Variants in NPAS3 observed in about 807,000 individuals in gnomAD.
NPAS3 encodes the protein neuronal PAS domain-containing protein 3.
In NPAS3, 14 loss-of-function variants were observed where a neutral mutation model predicts 73.1. The observed-to-expected ratio is 0.19, with a 90% CI of 0.13 to 0.30. The LOEUF (loss-of-function observed/expected upper bound fraction) is 0.30. NPAS3 is among the 10% of genes least tolerant of loss of function. The pLI is 1.00. For synonymous variants in NPAS3, 620 were observed against 541.5 expected (o/e 1.14, Z -2.01); for missense variants, 1,096 against 1,250.0 (o/e 0.88, Z 1.86).
At chr14:33,642,700 G>C (rs796725565) in intron 5 of NPAS3, among the ~76,000 whole-genome samples, 28 of 152,280 alleles carry the variant, frequency 1.8e-4, no homozygotes, top group African/African-American at 6.7e-4. Context: ...GGATACCAGT[G>C]TGCACCTATT....
chr14:33,418,678 A>AG (rs201231488), intron 4 of NPAS3, among the ~76,000 whole-genome samples: 2 of 151,322 alleles, frequency 1.3e-5, no homozygotes, highest in Non-Finnish European at 2.9e-5. Context: ...TTATTTTTAA[A>AG]GGGTTGTAGA....
chr14:33,287,336 C>T lies in NPAS3; in HGVS notation c.385+71910C>T, dbSNP rs148592788. Among the ~76,000 whole-genome samples the T allele has an allele frequency of 5.3e-3, 813 of 152,192 alleles. 3 individuals are homozygous for T. Among genetic ancestry groups the T allele is most frequent in the Middle Eastern group, 0.027 (8 of 292 alleles). Reference sequence around the variant, plus strand: ...AGCAGCTGCAAACGGCTCTGGAATTCCCACGGATTAGTCTACAGACTTTTC... The same window carrying T: ...AGCAGCTGCAAACGGCTCTGGAATTTCCACGGATTAGTCTACAGACTTTTC... On this transcript the variant is annotated intron_variant, in intron 3 of 11. Coordinates refer to ENST00000356141, the Ensembl canonical transcript of NPAS3.
intron 5 of NPAS3, among the ~76,000 whole-genome samples, chr14:33,674,246 T>G (rs1266102288): frequency 6.6e-6 from 1 of 152,226 alleles, no homozygotes; most frequent in African/African-American, 2.4e-5. Context: ...CTATTTTATC[T>G]GCCATTTGTG....
At chr14:33,433,425 C>G (rs926279676) in intron 4 of NPAS3, among the ~76,000 whole-genome samples, 3 of 152,094 alleles carry the variant, frequency 2.0e-5, no homozygotes, top group African/African-American at 4.8e-5. Flanking sequence ...GCCTTTCTGA[C>G]CCTGAATTAT....
At chr14:33,061,639 C>G (rs538098673) in intron 2 of NPAS3, among the ~76,000 whole-genome samples, 1 of 152,202 alleles carries the variant, frequency 6.6e-6, no homozygotes, top group East Asian at 1.9e-4. Flanking sequence ...CTAGACTAGC[C>G]TAGAAGTGAG....
intron 6 of NPAS3, among the ~76,000 whole-genome samples, chr14:33,716,385 CTTTTA>C (rs1487336220): frequency 1.3e-5 from 2 of 152,042 alleles, no homozygotes; most frequent in Non-Finnish European, 2.9e-5. Context: ...TCTACTTTTG[CTTTTA>C]TTTTCTTTTC....
At chr14:33,016,470 C>G (rs1050271814) in intron 1 of NPAS3, among the ~76,000 whole-genome samples, 1 of 151,720 alleles carries the variant, frequency 6.6e-6, no homozygotes, top group Admixed American at 6.6e-5. Context: ...ATGGGAGGCT[C>G]TAATAATAAA....
intron 4 of NPAS3, among the ~76,000 whole-genome samples, chr14:33,543,987 A>ATATATC (rs2054652245): frequency 2.7e-5 from 1 of 37,426 alleles, no homozygotes; most frequent in African/African-American, 2.4e-4. Flanking sequence ...ATATATATAT[A>ATATATC]TATATATATA....
chr14:33,516,009 A>G (rs1235267024), intron 4 of NPAS3, among the ~76,000 whole-genome samples: 1 of 152,088 alleles, frequency 6.6e-6, no homozygotes, highest in Non-Finnish European at 1.5e-5. Context: ...ATGAGGTAAG[A>G]TAGAACACGT....
At chr14:33,797,063 C>G (rs535292567) in intron 10 of NPAS3, among the ~76,000 whole-genome samples, 3 of 152,248 alleles carry the variant, frequency 2.0e-5, no homozygotes, top group Admixed American at 1.3e-4. Context: ...GGTACTGAGG[C>G]CATGGACTCA....
At chr14:32,991,170 C>T (rs1208864566) in intron 1 of NPAS3, among the ~76,000 whole-genome samples, 1 of 151,174 alleles carries the variant, frequency 6.6e-6, no homozygotes, top group Non-Finnish European at 1.5e-5. Flanking sequence ...GACACGGGGT[C>T]TCACTATGTT....
At chr14:33,784,801 A>C (rs1231276111) in intron 9 of NPAS3, among the ~76,000 whole-genome samples, 2 of 111,218 alleles carry the variant, frequency 1.8e-5, no homozygotes, top group East Asian at 5.8e-4. Context: ...CCCAGGCTGG[A>C]GTACAATGGC....
chr14:33,668,800 C>T (rs1038524537), intron 5 of NPAS3, among the ~76,000 whole-genome samples: 3 of 152,164 alleles, frequency 2.0e-5, no homozygotes, highest in Non-Finnish European at 4.4e-5. Flanking sequence ...ACCTGGGTGA[C>T]AGGGCGAGAC....
At chr14:33,476,052 C>G (rs1029305234) in intron 4 of NPAS3, among the ~76,000 whole-genome samples, 3 of 152,172 alleles carry the variant, frequency 2.0e-5, no homozygotes, top group African/African-American at 7.2e-5. Context: ...TACAGACTCC[C>G]TAAAAGGCAC....
chr14:32,971,876 G>A (rs1173439547), intron 1 of NPAS3, among the ~76,000 whole-genome samples: 1 of 151,244 alleles, frequency 6.6e-6, no homozygotes, highest in Admixed American at 6.6e-5. Flanking sequence ...TATTAAGATA[G>A]GTTAAAGTCT....
intron 4 of NPAS3, among the ~76,000 whole-genome samples, chr14:33,444,820 A>G (rs935985504): frequency 3.9e-5 from 6 of 152,264 alleles, no homozygotes; most frequent in Admixed American, 2.0e-4. Context: ...AACTGCCTGT[A>G]AGGCAGGAAT....
At chr14:33,400,290 G>A (rs1566868157) in intron 4 of NPAS3, among the ~76,000 whole-genome samples, 1 of 152,074 alleles carries the variant, frequency 6.6e-6, no homozygotes, top group Non-Finnish European at 1.5e-5. Context: ...AATAATATTT[G>A]AATTCCAAGC....
At chr14:33,656,855 C>G (rs888710603) in intron 5 of NPAS3, among the ~76,000 whole-genome samples, 5 of 152,170 alleles carry the variant, frequency 3.3e-5, no homozygotes. Flanking sequence ...CAAAATCTCC[C>G]ATTTCCTTCA....
At chr14:33,054,546 TG>T (rs202229755) in intron 1 of NPAS3, among the ~76,000 whole-genome samples, 1 of 152,060 alleles carries the variant, frequency 6.6e-6, no homozygotes, top group Non-Finnish European at 1.5e-5. Context: ...CTTAATATGT[TG>T]GGCTTTATGA....
Sources: gnomAD v4.1 joint callset for allele counts (sites outside exome capture counted in the v4.1 genomes callset) on GRCh38, gnomAD v4.1.1 for gene constraint, MANE v1.5 for transcripts, NCBI Gene and HGNC (gene_info 2026-07-23, HGNC 2026-07-21) for gene names.